FMN1: variants seen among roughly 807,000 people sequenced by gnomAD.
FMN1 encodes formin-1.
A neutral mutation model predicts 132.4 loss-of-function variants in FMN1; 110 were observed. The ratio of observed to expected loss-of-function variants is 0.83; its 90% CI spans 0.71 to 0.97. FMN1 has a LOEUF of 0.97. Ranked by LOEUF, FMN1 falls within the 50% of genes least tolerant of loss-of-function variation. The pLI, the probability that FMN1 is intolerant of heterozygous loss-of-function variation, is 0.00. For missense variants in FMN1, 1,792 were observed against 1,705.3 expected (o/e 1.05, Z -0.90); for synonymous variants, 722 against 651.7 (o/e 1.11, Z -1.64).
intron 4 of FMN1, among the ~76,000 whole-genome samples, chr15:33,116,831 G>A (rs2039946566): frequency 6.6e-6 from 1 of 152,050 alleles, no homozygotes; most frequent in Non-Finnish European, 1.5e-5. Flanking sequence ...TCTGACTTTG[G>A]GCAGGTCCTT....
intron 6 of FMN1, chr15:33,012,854 T>C (rs1363991879): frequency 4.9e-6 from 3 of 608,060 alleles, no homozygotes; most frequent in Admixed American, 3.9e-5. Flanking sequence ...TATAATGAAT[T>C]TGGTAATGAT....
At chr15:32,968,512 G>C (rs1270401164) in intron 8 of FMN1, among the ~76,000 whole-genome samples, 1 of 152,074 alleles carries the variant, frequency 6.6e-6, no homozygotes, top group Non-Finnish European at 1.5e-5. Context: ...GTTTCTCCCA[G>C]CATCTTCAGA....
At chr15:32,916,891 G>A (rs1262554541) in intron 10 of FMN1, among the ~76,000 whole-genome samples, 2 of 152,278 alleles carry the variant, frequency 1.3e-5, no homozygotes, top group South Asian at 4.1e-4. Flanking sequence ...AGAGAACAGA[G>A]CAGGGAAAGA....
chr15:33,004,886 T>C (rs1227821344), intron 7 of FMN1, among the ~76,000 whole-genome samples: 2 of 152,040 alleles, frequency 1.3e-5, no homozygotes, highest in Admixed American at 6.5e-5. Context: ...ATGTCCTTTG[T>C]AGGGACATGG....
chr15:32,818,680 T>C (rs1213686991), intron 17 of FMN1, among the ~76,000 whole-genome samples: 1 of 152,162 alleles, frequency 6.6e-6, no homozygotes, highest in Non-Finnish European at 1.5e-5. Flanking sequence ...TTGAAAAATA[T>C]AGTATAAAGA....
chr15:32,997,769 T>C (rs1340062613), intron 7 of FMN1, among the ~76,000 whole-genome samples: 4 of 152,170 alleles, frequency 2.6e-5, no homozygotes, highest in Non-Finnish European at 5.9e-5. Context: ...TAAGAGCTCA[T>C]CTTTCACTTA....
At position 32,969,328 on chromosome 15, in the gene FMN1, G is replaced by A. The variant is rs1251826338; in HGVS notation, c.2373C>T (p.Thr791=). ...AGGTCTTTGGAGGGCAGTCATCATC[G>A]GTGGAAATGCACACATCTTTCCTCT... is the stretch of plus-strand genomic sequence containing the variant. ...CEERKDVCIS[T]DDDCPPKTFR... is the part of the protein sequence containing the mutation. Residue 791 remains threonine, a synonymous_variant, in exon 8 of 21, where the codon ACC becomes ACT. Coordinates refer to ENST00000616417, the MANE Select transcript of FMN1 (RefSeq NM_001277313.2). 1.9e-5 allele frequency: 31 copies of A among 1,613,780 alleles called. No homozygotes were observed. The highest frequency in any genetic ancestry group is 4.0e-5 in the African/African-American group (3 of 74,858).
chr15:32,910,447 C>G, intron 11 of FMN1, 27 bp downstream of exon 11: 1 of 1,526,688 alleles, frequency 6.6e-7, no homozygotes, highest in African/African-American at 1.4e-5. Flanking sequence ...TATGGAAATA[C>G]TAGCTCTGTA....
chr15:32,989,485 G>C (rs749150473), intron 7 of FMN1, among the ~76,000 whole-genome samples: 2 of 152,108 alleles, frequency 1.3e-5, no homozygotes, highest in Admixed American at 6.6e-5. Flanking sequence ...GGAAAGTGTA[G>C]GGAAATAGCG....
At chr15:32,913,774 C>T (rs1277136983) in intron 10 of FMN1, among the ~76,000 whole-genome samples, 3 of 152,148 alleles carry the variant, frequency 2.0e-5, no homozygotes, top group Non-Finnish European at 4.4e-5. Context: ...ATTTCTTAAG[C>T]ATCTTGATAA....
intron 4 of FMN1, among the ~76,000 whole-genome samples, chr15:33,139,432 T>TA (rs1404417133): frequency 7.8e-6 from 1 of 128,846 alleles, no homozygotes; most frequent in Non-Finnish European, 1.8e-5. Context: ...CCGTCTCTAC[T>TA]AAAAATACAA....
chr15:33,025,704 A>G (rs1412445744), intron 6 of FMN1, among the ~76,000 whole-genome samples: 1 of 152,188 alleles, frequency 6.6e-6, no homozygotes, highest in East Asian at 1.9e-4. Flanking sequence ...TTAACATACT[A>G]ATGGAGAAAA....
intron 4 of FMN1, among the ~76,000 whole-genome samples, chr15:33,107,919 T>G (rs1395003210): frequency 6.6e-6 from 1 of 152,144 alleles, no homozygotes; most frequent in African/African-American, 2.4e-5. Context: ...CCTTATTTAT[T>G]ACAGTTAACT....
intron 5 of FMN1, chr15:33,066,845 A>T: frequency 6.2e-7 from 1 of 1,613,968 alleles, no homozygotes; most frequent in Non-Finnish European, 8.5e-7. Flanking sequence ...GTTGAGCAGC[A>T]GAGAGAGCTG....
chr15:32,905,648 G>C (rs1420285399), intron 12 of FMN1, among the ~76,000 whole-genome samples: 2 of 152,254 alleles, frequency 1.3e-5, no homozygotes, highest in Non-Finnish European at 2.9e-5. Flanking sequence ...TTGATGAGGT[G>C]AGTGATGAGG....
At chr15:33,163,781 C>T (rs1437744859) in intron 3 of FMN1, among the ~76,000 whole-genome samples, 2 of 151,590 alleles carry the variant, frequency 1.3e-5, no homozygotes, top group South Asian at 2.1e-4. Context: ...TCATGCTCAA[C>T]AAATTTTTGT....
At chr15:32,840,254 G>A (rs964827130) in intron 17 of FMN1, among the ~76,000 whole-genome samples, 4 of 152,218 alleles carry the variant, frequency 2.6e-5, no homozygotes, top group Non-Finnish European at 4.4e-5. Flanking sequence ...CTGTGGTGGT[G>A]AGAGGGCAGA....
chr15:33,023,423 G>A (rs2035516791), intron 6 of FMN1, among the ~76,000 whole-genome samples: 1 of 152,082 alleles, frequency 6.6e-6, no homozygotes, highest in Non-Finnish European at 1.5e-5. Context: ...TTTTAGTAAT[G>A]TTTAGAATCC....
chr15:33,118,666 A>T (rs1167161335), intron 4 of FMN1, among the ~76,000 whole-genome samples: 1 of 152,162 alleles, frequency 6.6e-6, no homozygotes, highest in African/African-American at 2.4e-5. Flanking sequence ...ATTAAATATT[A>T]AATACAAAAA....
Sources: gnomAD v4.1 joint callset for allele counts (sites outside exome capture counted in the v4.1 genomes callset) on GRCh38, gnomAD v4.1.1 for gene constraint, MANE v1.5 for transcripts, NCBI Gene and HGNC (gene_info 2026-07-23, HGNC 2026-07-21) for gene names.